The following MYCBP2 variants were observed in gnomAD, a reference collection of about 807,000 sequenced individuals.
MYCBP2 encodes the protein MYC binding protein 2.
In MYCBP2, 120 loss-of-function variants were observed where a neutral mutation model predicts 525.3. That is an observed-to-expected ratio of 0.23 (90% CI 0.20 to 0.27). MYCBP2 has a LOEUF of 0.27. Ranked by LOEUF, MYCBP2 falls within the 10% of genes least tolerant of loss-of-function variation. MYCBP2 has a pLI of 1.00. For synonymous variants in MYCBP2, 1,894 were observed against 1,955.8 expected (o/e 0.97, Z 0.83); for missense variants, 4,149 against 5,657.1 (o/e 0.73, Z 8.55).
chr13:77,070,008 A>G (rs2040899337), intron 69 of MYCBP2, among the ~76,000 whole-genome samples: 1 of 152,224 alleles, frequency 6.6e-6, no homozygotes. Context: ...ATTTAAAAAT[A>G]TTAACACTGG....
rs1376772588 is a variant in MYCBP2, at chr13:77,326,461, C to G, written c.302+13G>C. On this transcript the variant is annotated intron_variant, in intron 1 of 82. Transcript: ENST00000544440. This position sits in a 1 kb window ranked among gnomAD's most constrained non-coding sequence, Gnocchi z 4.2. ...CGGCATGGGGCGCAAGGAAGGGCACCCTGGGGACGCACCTGGAGGCTGGGT... is the reference window on the plus strand; with the variant it reads ...CGGCATGGGGCGCAAGGAAGGGCACGCTGGGGACGCACCTGGAGGCTGGGT... 3 of 1,542,742 alleles carry G rather than the reference C, an allele frequency of 1.9e-6. No homozygotes were observed. The East Asian group carries it at 7.7e-5, about 39-fold the overall frequency.
At chr13:77,145,768 C>T (rs2055430582) in intron 48 of MYCBP2, among the ~76,000 whole-genome samples, 1 of 151,820 alleles carries the variant, frequency 6.6e-6, no homozygotes, top group South Asian at 2.1e-4. Flanking sequence ...AAAATTAAGA[C>T]AGTACAATCA....
At chr13:77,235,512 G>A (rs1378782210) in intron 17 of MYCBP2, among the ~76,000 whole-genome samples, 1 of 151,976 alleles carries the variant, frequency 6.6e-6, no homozygotes, top group Non-Finnish European at 1.5e-5. Context: ...GCTTGGAGAG[G>A]TATGCAAAAA....
At chr13:77,048,319 TCCAG>T in intron 82 of MYCBP2, among the ~76,000 whole-genome samples, 1 of 152,314 alleles carries the variant, frequency 6.6e-6, no homozygotes, top group East Asian at 1.9e-4. Context: ...CTTCCTGGTC[TCCAG>T]AACTGTGAGA....
rs71102724 is a variant in MYCBP2, at chr13:77,176,630, TAA to T, written c.5341-4_5341-3del. 319 of 1,158,116 alleles carry T rather than the reference TAA, an allele frequency of 2.8e-4. No homozygotes were observed. Among genetic ancestry groups the T allele is most frequent in the South Asian group, 1.0e-3 (51 of 51,074 alleles). 71.7% of individuals were successfully genotyped at this position (1,158,116 alleles called of 1,614,324 possible). ...AGTTGAATCTCCTGCATGTTCACTC[TAA>T]AAAAAAAAAATGAAACACAAAAATT... On this transcript the variant is annotated splice_region_variant and splice_polypyrimidine_tract_variant and intron_variant, in intron 35 of 82. Transcript: ENST00000544440.
intron 45 of MYCBP2, among the ~76,000 whole-genome samples, chr13:77,156,861 G>A (rs1357084446): frequency 6.6e-6 from 1 of 152,180 alleles, no homozygotes; most frequent in Admixed American, 6.5e-5. Context: ...GCATAGTATA[G>A]TAGTGAGGCT....
chr13:77,081,690 GCAAATCTTTCGTGATGATAAAA>G lies in MYCBP2; in HGVS notation c.11194-61_11194-40del. Reference sequence around the variant, plus strand: ...ATATAAGTACTTATGATACTTAAAAGCAAATCTTTCGTGATGATAAAACAAACAGGTATAAGATAAAACATAA... The same window carrying G: ...ATATAAGTACTTATGATACTTAAAAGCAAACAGGTATAAGATAAAACATAA... On this transcript the variant is annotated intron_variant, in intron 64 of 82. Transcript: ENST00000544440. The surrounding 1 kb of genome is among the most constrained non-coding windows in gnomAD (Gnocchi z 4.6). The G allele has an allele frequency of 1.3e-6, 2 of 1,554,102 alleles. No homozygotes were observed. The highest frequency in any genetic ancestry group is 1.7e-6 in the Non-Finnish European group (2 of 1,148,030).
intron 20 of MYCBP2, 54 bp from the exon 21 acceptor site, chr13:77,218,011 A>G (rs969363990): frequency 8.9e-6 from 11 of 1,241,772 alleles, no homozygotes; most frequent in Non-Finnish European, 1.2e-5. Context: ...CAACTAAAAT[A>G]AAAACAATAA....
intron 16 of MYCBP2, among the ~76,000 whole-genome samples, chr13:77,243,528 A>G (rs925407478): frequency 2.6e-5 from 4 of 151,848 alleles, no homozygotes; most frequent in Admixed American, 2.6e-4. Context: ...TGGGACAATC[A>G]CTTGAACCTA....
chr13:77,065,004 T>C (rs2039972426), intron 72 of MYCBP2, among the ~76,000 whole-genome samples: 1 of 152,192 alleles, frequency 6.6e-6, no homozygotes, highest in Non-Finnish European at 1.5e-5. Context: ...GGGCAATTAC[T>C]CTCACATCTG....
At chr13:77,189,404 A>G (rs2061075239) in intron 29 of MYCBP2, among the ~76,000 whole-genome samples, 1 of 152,218 alleles carries the variant, frequency 6.6e-6, no homozygotes. Context: ...AGTCCAATGC[A>G]ACACGTTATG....
intron 46 of MYCBP2, among the ~76,000 whole-genome samples, chr13:77,154,663 T>C (rs1005857475): frequency 6.6e-6 from 1 of 152,074 alleles, no homozygotes; most frequent in African/African-American, 2.4e-5. Flanking sequence ...GGTTCAAAGA[T>C]TGGATTTAAC....
At chr13:77,265,203 T>A (rs1396236412) in intron 8 of MYCBP2, among the ~76,000 whole-genome samples, 1 of 151,986 alleles carries the variant, frequency 6.6e-6, no homozygotes, top group Non-Finnish European at 1.5e-5. Flanking sequence ...AGAGACTTGG[T>A]AATCAAAGAG....
Position 77,068,850 on chromosome 13 carries a change from G to C in MYCBP2, c.11905-19C>G, listed in dbSNP as rs1191649494. 3.7e-6 allele frequency: 6 copies of C among 1,607,572 alleles called. No individual in the cohort carries two copies. Among genetic ancestry groups the C allele is most frequent in the Admixed American group, 3.3e-5 (2 of 59,770 alleles). The stretch of plus-strand genomic sequence containing the variant: ...CACACACCTATTTAAAGTTAACACA[G>C]AACATGTAAAAATATAGGGTTAGTT... On this transcript the variant is annotated intron_variant, in intron 69 of 82. Transcript: ENST00000544440.
chr13:77,302,308 G>A (rs1359384351), intron 1 of MYCBP2, among the ~76,000 whole-genome samples: 1 of 146,606 alleles, frequency 6.8e-6, no homozygotes, highest in Admixed American at 7.0e-5. Context: ...AAAGCAGCCA[G>A]AGAAGAGATA....
intron 1 of MYCBP2, among the ~76,000 whole-genome samples, chr13:77,320,474 G>T (rs1041871304): frequency 2.0e-5 from 3 of 152,106 alleles, no homozygotes; most frequent in African/African-American, 7.2e-5. Context: ...AAACATAGAA[G>T]AAATAACAGA....
chr13:77,099,551 T>G, intron 55 of MYCBP2: 1 of 165,116 alleles, frequency 6.1e-6, no homozygotes, highest in Non-Finnish European at 1.3e-5. Context: ...AAAGAGTTGC[T>G]TAAGAGGCAC....
rs1370145112 is a variant in MYCBP2 at position 77,326,403 on chromosome 13, G to A, written c.302+71C>T. 2.1e-6 allele frequency: 3 copies of A among 1,420,766 alleles called. No homozygotes were observed. Among genetic ancestry groups the A allele is most frequent in the African/African-American group, 1.5e-5 (1 of 67,338 alleles). 88.0% of individuals were successfully genotyped at this position (1,420,766 alleles called of 1,614,324 possible). A position where few individuals can be genotyped will look rare whatever the true frequency, so the allele number is the denominator to read the frequency against. On this transcript the variant is annotated intron_variant, in intron 1 of 82. Transcript: ENST00000544440. The surrounding 1 kb of genome is among the most constrained non-coding windows in gnomAD (Gnocchi z 4.2). Reference sequence around the variant, plus strand: ...CACACACGCAAGCACACACACACGCGGGTGCACGCGCGGCATGGGGCGCAA... The same window carrying A: ...CACACACGCAAGCACACACACACGCAGGTGCACGCGCGGCATGGGGCGCAA...
intron 46 of MYCBP2, among the ~76,000 whole-genome samples, chr13:77,152,371 T>C (rs1444808764): frequency 6.6e-6 from 1 of 152,182 alleles, no homozygotes; most frequent in Non-Finnish European, 1.5e-5. Flanking sequence ...CTTTAAACTT[T>C]AAACAATTAA....
Sources: allele counts gnomAD v4.1 joint callset (sites outside exome capture counted in the v4.1 genomes callset), GRCh38; gene constraint gnomAD v4.1.1; non-coding constraint Gnocchi (gnomAD v3.1); transcripts MANE v1.5; gene names NCBI Gene and HGNC (gene_info 2026-07-23, HGNC 2026-07-21).